UMAD1: variants seen among roughly 807,000 people sequenced by gnomAD.
UMAD1 encodes UBAP1-MVB12-associated (UMA) domain containing 1, also known as UBAP1-MVB12-associated (UMA)-domain containing protein 1.
A neutral mutation model predicts 6.1 loss-of-function variants in UMAD1; 8 were observed. The observed-to-expected ratio is 1.30, with a 90% CI of 0.76 to 2.35. The LOEUF (loss-of-function observed/expected upper bound fraction) is 2.35, where lower values mean the gene tolerates loss of function less well. UMAD1 is among the 30% of genes most tolerant of loss of function. UMAD1 has a pLI of 0.00. For missense variants in UMAD1, 130 were observed against 78.4 expected (o/e 1.66, Z -2.49); for synonymous variants, 56 against 31.4 (o/e 1.78, Z -2.61).
chr7:7,863,809 G>A (rs975757747), intron 3 of UMAD1, among the ~76,000 whole-genome samples: 1 of 152,116 alleles, frequency 6.6e-6, no homozygotes, highest in Non-Finnish European at 1.5e-5. Flanking sequence ...TACATCTGTG[G>A]GGAAGTTTAA....
At chr7:7,776,883 A>G (rs1782218792) in intron 2 of UMAD1, among the ~76,000 whole-genome samples, 1 of 151,808 alleles carries the variant, frequency 6.6e-6, no homozygotes, top group African/African-American at 2.4e-5. Context: ...AACATCTGTC[A>G]TCGATCCACA....
intron 3 of UMAD1, among the ~76,000 whole-genome samples, chr7:7,818,818 G>T (rs1783182056): frequency 6.6e-6 from 1 of 152,132 alleles, no homozygotes; most frequent in African/African-American, 2.4e-5. Context: ...TGTATTTTTT[G>T]TAGAGACAGG....
At chr7:7,835,652 C>T (rs1007620960) in intron 3 of UMAD1, among the ~76,000 whole-genome samples, 11 of 151,682 alleles carry the variant, frequency 7.3e-5, no homozygotes, top group Non-Finnish European at 1.2e-4. Context: ...ACATGATAAA[C>T]ATCATGATAA....
At chr7:7,846,333 C>T (rs1783781400) in intron 3 of UMAD1, among the ~76,000 whole-genome samples, 1 of 152,060 alleles carries the variant, frequency 6.6e-6, no homozygotes, top group Non-Finnish European at 1.5e-5. Flanking sequence ...CTCCTGTTCC[C>T]TAGAAATCCT....
chr7:7,792,010 T>G (rs1003702247), intron 2 of UMAD1, among the ~76,000 whole-genome samples: 6 of 152,342 alleles, frequency 3.9e-5, no homozygotes, highest in Middle Eastern at 3.4e-3. Flanking sequence ...TTATTAGCTC[T>G]TAGTGAGTGT....
chr7:7,645,246 G>T (rs1354881838), intron 1 of UMAD1, among the ~76,000 whole-genome samples: 5 of 152,078 alleles, frequency 3.3e-5, no homozygotes, highest in Non-Finnish European at 5.9e-5. Flanking sequence ...AGAGCCTTCA[G>T]TACCATTTTG....
Position 7,801,714 on chromosome 7 carries a change from T to G in UMAD1, c.127T>G (p.Ser43Ala), listed in dbSNP as rs1423695009. 1 of 718,144 alleles carries G rather than the reference T, an allele frequency of 1.4e-6. No individual in the cohort carries two copies. Among genetic ancestry groups the G allele is most frequent in the Non-Finnish European group, 2.6e-6 (1 of 385,232 alleles). The allele number at this position is 718,144 out of a possible 1,614,324, so 44.5% of individuals were successfully genotyped here. A position where few individuals can be genotyped will look rare whatever the true frequency, so the allele number is the denominator to read the frequency against. Reference protein sequence around the residue: ...EQRMTARGKTSDIEANQPLET... With the variant: ...EQRMTARGKTADIEANQPLET... ...AAGAATGACAGCAAGAGGCAAAACT[T>G]CGGACATAGAGGCCAACCAACCTTT... The change falls in exon 3 of 4, where the codon TCG (serine) becomes GCG (alanine). Residue 43 changes from serine to alanine, a missense_variant. By Grantham distance (99) the Ser-to-Ala change is moderately conservative (BLOSUM62 1). Coordinates refer to ENST00000682710, the MANE Select transcript of UMAD1 (RefSeq NM_001302348.2).
chr7:7,778,815 G>C (rs1480310566), intron 2 of UMAD1, among the ~76,000 whole-genome samples: 1 of 151,936 alleles, frequency 6.6e-6, no homozygotes, highest in Admixed American at 6.5e-5. Context: ...GTTCTTTTTT[G>C]TTTTGTTTTG....
At chr7:7,678,366 A>G (rs534350439) in intron 2 of UMAD1, among the ~76,000 whole-genome samples, 1 of 148,698 alleles carries the variant, frequency 6.7e-6, no homozygotes, top group Non-Finnish European at 1.5e-5. Context: ...TAATATGCCT[A>G]TTGGTCATTT....
intron 3 of UMAD1, among the ~76,000 whole-genome samples, chr7:7,802,267 A>G (rs1044742308): frequency 6.6e-6 from 1 of 152,194 alleles, no homozygotes; most frequent in African/African-American, 2.4e-5. Flanking sequence ...CATCCCAGCT[A>G]CTTGGGAGGC....
chr7:7,701,987 G>A (rs1199506966), intron 2 of UMAD1, among the ~76,000 whole-genome samples: 1 of 152,136 alleles, frequency 6.6e-6, no homozygotes, highest in East Asian at 1.9e-4. Flanking sequence ...AAATAAGAGT[G>A]GCTCATGATT....
At chr7:7,855,362 C>T (rs1212619715) in intron 3 of UMAD1, among the ~76,000 whole-genome samples, 5 of 152,366 alleles carry the variant, frequency 3.3e-5, no homozygotes, top group African/African-American at 1.2e-4. Context: ...TCTGTCTGGA[C>T]ATCCAGGAGT....
chr7:7,711,948 C>T lies in UMAD1; in HGVS notation c.82+38495C>T, dbSNP rs938112737. On this transcript the variant is annotated intron_variant, in intron 2 of 3. Transcript: ENST00000682710. ...TTGGTTATAGTGTGGTATAGCGATC[C>T]GATTTTAATTTTTTTTTGTAGGGAT... 1.1e-4 allele frequency among the ~76,000 whole-genome samples: 17 copies of T among 151,884 alleles called. 1 individual carries two copies. The highest frequency in any genetic ancestry group is 8.5e-4 in the Admixed American group (13 of 15,240).
chr7:7,654,052 A>G (rs1191030202), intron 1 of UMAD1, among the ~76,000 whole-genome samples: 1 of 152,220 alleles, frequency 6.6e-6, no homozygotes, highest in East Asian at 1.9e-4. Flanking sequence ...ATTGTGAATA[A>G]GAAGCAGTAG....
At chr7:7,689,645 A>G (rs1003209587) in intron 2 of UMAD1, among the ~76,000 whole-genome samples, 1 of 152,164 alleles carries the variant, frequency 6.6e-6, no homozygotes, top group Non-Finnish European at 1.5e-5. Context: ...ATTTATATGT[A>G]TATCTCAGTA....
intron 3 of UMAD1, among the ~76,000 whole-genome samples, chr7:7,856,611 G>C (rs1370166170): frequency 6.6e-6 from 1 of 152,158 alleles, no homozygotes. Flanking sequence ...TTCTTTTTAT[G>C]AAAGGGTATT....
At chr7:7,874,081 T>A (rs1172045040) in intron 3 of UMAD1, among the ~76,000 whole-genome samples, 1 of 152,164 alleles carries the variant, frequency 6.6e-6, no homozygotes, top group Admixed American at 6.5e-5. Context: ...CTCTTTCCCA[T>A]CCCTATAATT....
intron 2 of UMAD1, among the ~76,000 whole-genome samples, chr7:7,779,600 G>GT (rs1232818995): frequency 6.6e-6 from 1 of 151,834 alleles, no homozygotes; most frequent in Admixed American, 6.6e-5. Context: ...GCCCAGCCCC[G>GT]TTTTTTTCCT....
At chr7:7,660,294 C>T (rs747962349) in intron 1 of UMAD1, among the ~76,000 whole-genome samples, 23 of 152,148 alleles carry the variant, frequency 1.5e-4, no homozygotes, top group Non-Finnish European at 3.4e-4. Context: ...GCATTTAGCC[C>T]ATTTACATTT....
Sources: allele counts gnomAD v4.1 joint callset (sites outside exome capture counted in the v4.1 genomes callset), GRCh38; gene constraint gnomAD v4.1.1; transcripts MANE v1.5; gene names NCBI Gene and HGNC (gene_info 2026-07-23, HGNC 2026-07-21).